Variants in CDC42BPA observed in about 807,000 individuals in gnomAD.
CDC42BPA encodes serine/threonine-protein kinase MRCK alpha.
A neutral mutation model predicts 223.5 loss-of-function variants in CDC42BPA; 80 were observed. The observed-to-expected ratio is 0.36, with a 90% confidence interval of 0.30 to 0.43. The LOEUF (loss-of-function observed/expected upper bound fraction) is 0.43. CDC42BPA is among the 20% of genes least tolerant of loss of function. The pLI is 1.00. For synonymous variants in CDC42BPA, 694 were observed against 718.6 expected (o/e 0.97, Z 0.55); for missense variants, 1,743 against 2,099.9 (o/e 0.83, Z 3.32).
intron 5 of CDC42BPA, 47 bp from the exon 6 acceptor site, chr1:227,160,683 C>A: frequency 9.8e-6 from 10 of 1,022,184 alleles, no homozygotes; most frequent in Non-Finnish European, 1.3e-5. Flanking sequence ...ATAAACAATT[C>A]ATTGTTTGGT....
chr1:227,250,829 A>G (rs1024295245), intron 2 of CDC42BPA, among the ~76,000 whole-genome samples: 2 of 151,992 alleles, frequency 1.3e-5, no homozygotes, highest in Non-Finnish European at 2.9e-5. Flanking sequence ...AGGCAGGAGG[A>G]CTCCTTGAGC....
At chr1:227,012,096 G>A (rs1235029530) in intron 34 of CDC42BPA, among the ~76,000 whole-genome samples, 2 of 152,114 alleles carry the variant, frequency 1.3e-5, no homozygotes, top group South Asian at 2.1e-4. Context: ...TTGTACTGAC[G>A]TACATGAAAC....
Position 227,087,183 on chromosome 1 carries a change from G to C in CDC42BPA, c.2355+4703C>G, listed in dbSNP as rs1042062505. ...CTGAATCACAAAGACTTTCTCCTAT[G>C]CTTACCTTTTATATTTCAGATTGTG... On this transcript the variant is annotated intron_variant, in intron 16 of 36. Coordinates refer to ENST00000366766, the MANE Select transcript of CDC42BPA (RefSeq NM_001394014.1). Among the ~76,000 whole-genome samples, 4 of 152,014 alleles carry C rather than the reference G, an allele frequency of 2.6e-5. No homozygotes were observed. The South Asian group carries it at 8.3e-4, about 32-fold the overall frequency.
chr1:227,194,050 C>T (rs973420405), intron 4 of CDC42BPA, 116 bp from the exon 5 acceptor site: 1 of 596,028 alleles, frequency 1.7e-6, no homozygotes, highest in Non-Finnish European at 2.8e-6. Flanking sequence ...ATTACATATG[C>T]TGCTAATTAA....
intron 10 of CDC42BPA, among the ~76,000 whole-genome samples, chr1:227,136,594 A>G (rs755617167): frequency 5.3e-5 from 8 of 152,238 alleles, no homozygotes; most frequent in Non-Finnish European, 1.2e-4. Context: ...TACGTGAATC[A>G]CAGTCCAACT....
intron 32 of CDC42BPA, among the ~76,000 whole-genome samples, chr1:227,017,492 G>A (rs961773996): frequency 2.0e-5 from 3 of 152,098 alleles, no homozygotes; most frequent in African/African-American, 7.2e-5. Flanking sequence ...ACCATAAGTG[G>A]TAAATAACAA....
At chr1:227,024,395 T>C (rs976150638) in intron 31 of CDC42BPA, among the ~76,000 whole-genome samples, 3 of 152,128 alleles carry the variant, frequency 2.0e-5, no homozygotes, top group African/African-American at 4.8e-5. Context: ...CTTTGGAAAA[T>C]AATATGACAC....
rs573222728 is a variant in CDC42BPA at position 227,196,581 on chromosome 1, C to T, written c.451-2647G>A. Among the ~76,000 whole-genome samples, 24 of 152,072 alleles carry T rather than the reference C, an allele frequency of 1.6e-4. No homozygotes were observed. The East Asian group carries it at 2.9e-3, about 18-fold the overall frequency. On this transcript the variant is annotated intron_variant, in intron 4 of 36. Transcript: ENST00000366766. ...GTCTCGATCTCCTGACCTCATGATC[C>T]GCCCGCCTTGGCCTCCCAAAGTGCT...
chr1:227,241,846 C>A (rs1210190007), intron 2 of CDC42BPA, among the ~76,000 whole-genome samples: 1 of 152,048 alleles, frequency 6.6e-6, no homozygotes, highest in East Asian at 1.9e-4. Flanking sequence ...AGATTTTGTG[C>A]TCCTTGTTCA....
intron 34 of CDC42BPA, 124 bp from the exon 35 acceptor site, chr1:227,005,235 A>G: frequency 1.4e-6 from 1 of 691,134 alleles, no homozygotes; most frequent in Non-Finnish European, 2.6e-6. Context: ...ACACAGAGTA[A>G]GGAATGGCAG....
chr1:227,080,150 A>G (rs1184712839), intron 17 of CDC42BPA, among the ~76,000 whole-genome samples: 1 of 152,126 alleles, frequency 6.6e-6, no homozygotes, highest in African/African-American at 2.4e-5. Flanking sequence ...AGGAATGCTC[A>G]ACCTGTATTT....
intron 19 of CDC42BPA, 128 bp from the exon 20 acceptor site, chr1:227,072,427 G>A: frequency 1.7e-6 from 1 of 597,146 alleles, no homozygotes; most frequent in Non-Finnish European, 3.0e-6. Flanking sequence ...ATAAATTACT[G>A]CGGGAAGAAC....
At chr1:227,274,674 C>G (rs1388787316) in intron 1 of CDC42BPA, among the ~76,000 whole-genome samples, 1 of 151,794 alleles carries the variant, frequency 6.6e-6, no homozygotes, top group Non-Finnish European at 1.5e-5. Context: ...TATGCTGTTT[C>G]CAAAAACTAT....
At chr1:227,041,382 A>AT (rs1558354170) in intron 23 of CDC42BPA, among the ~76,000 whole-genome samples, 2 of 151,782 alleles carry the variant, frequency 1.3e-5, no homozygotes, top group African/African-American at 4.8e-5. Context: ...GAATTTTGCT[A>AT]TTTTTTTCTC....
intron 1 of CDC42BPA, among the ~76,000 whole-genome samples, chr1:227,286,582 G>A (rs60068245): frequency 0.15 from 22,810 of 151,878 alleles, 2,081 homozygotes; most frequent in African/African-American, 0.24. Flanking sequence ...TCCAACCTCC[G>A]TACGTTATCC....
intron 35 of CDC42BPA, among the ~76,000 whole-genome samples, chr1:227,002,942 A>C (rs1023952924): frequency 5.9e-5 from 9 of 152,170 alleles, no homozygotes; most frequent in African/African-American, 2.2e-4. Flanking sequence ...AGTGTGAGAT[A>C]ATAAATGTTT....
At chr1:227,256,330 C>G (rs1297955937) in intron 1 of CDC42BPA, among the ~76,000 whole-genome samples, 1 of 151,796 alleles carries the variant, frequency 6.6e-6, no homozygotes, top group Non-Finnish European at 1.5e-5. Flanking sequence ...GGGGTGGGGG[C>G]CAAGAGGAGG....
At chr1:227,304,056 G>A (rs899674798) in intron 1 of CDC42BPA, among the ~76,000 whole-genome samples, 3 of 152,154 alleles carry the variant, frequency 2.0e-5, no homozygotes, top group Non-Finnish European at 4.4e-5. Flanking sequence ...TGAAGTACTT[G>A]TTTACAAATT....
chr1:227,037,977 A>G (rs1376869153), intron 24 of CDC42BPA, among the ~76,000 whole-genome samples: 3 of 152,200 alleles, frequency 2.0e-5, no homozygotes, highest in African/African-American at 7.2e-5. Context: ...ATTTACAATG[A>G]AGCTTGGGTG....
Sources: gnomAD v4.1 joint callset for allele counts (sites outside exome capture counted in the v4.1 genomes callset) on GRCh38, gnomAD v4.1.1 for gene constraint, MANE v1.5 for transcripts, NCBI Gene and HGNC (gene_info 2026-07-23, HGNC 2026-07-21) for gene names.